Variants in ENTREP2 observed in about 807,000 individuals in gnomAD.
The protein encoded by ENTREP2 is protein ENTREP2.
the ENTREP2 span, among the ~76,000 whole-genome samples, chr15:29,128,495 T>C: frequency 6.6e-6 from 1 of 152,028 alleles, no homozygotes; most frequent in Non-Finnish European, 1.5e-5. Flanking sequence ...CTTCTTCAAA[T>C]CCATATCCCT....
the ENTREP2 span, among the ~76,000 whole-genome samples, chr15:29,522,111 T>A: frequency 2.6e-5 from 4 of 152,174 alleles, no homozygotes; most frequent in Non-Finnish European, 5.9e-5. Flanking sequence ...CCATATCTCA[T>A]ACCACATAAA....
the ENTREP2 span, among the ~76,000 whole-genome samples, chr15:29,159,427 C>G: frequency 6.6e-6 from 1 of 152,284 alleles, no homozygotes; most frequent in South Asian, 2.1e-4. Context: ...GCTTCCACAG[C>G]ATAGAAAAGG....
At chr15:29,658,670 A>G in the ENTREP2 span, among the ~76,000 whole-genome samples, 4 of 152,206 alleles carry the variant, frequency 2.6e-5, no homozygotes, top group African/African-American at 9.7e-5. Flanking sequence ...AATCTACTCA[A>G]TACAACACCC....
the ENTREP2 span, chr15:29,610,460 T>C: frequency 6.7e-6 from 1 of 150,340 alleles, no homozygotes. Flanking sequence ...TCTGGGAACT[T>C]TAAAATGCAT....
the ENTREP2 span, among the ~76,000 whole-genome samples, chr15:29,400,612 G>C: frequency 1.3e-5 from 2 of 152,112 alleles, no homozygotes; most frequent in African/African-American, 4.8e-5. Flanking sequence ...AGAAATCAAA[G>C]AGTAAAATAT....
At chr15:29,314,337 C>A in the ENTREP2 span, among the ~76,000 whole-genome samples, 1 of 152,102 alleles carries the variant, frequency 6.6e-6, no homozygotes, top group African/African-American at 2.4e-5. Flanking sequence ...AAAGGAAGAG[C>A]CAATCAATGC....
the ENTREP2 span, among the ~76,000 whole-genome samples, chr15:29,657,899 C>A: frequency 6.6e-6 from 1 of 151,968 alleles, no homozygotes; most frequent in Non-Finnish European, 1.5e-5. Context: ...TATTACTCAG[C>A]AGTAAAAAAG....
At chr15:29,218,414 C>T in the ENTREP2 span, among the ~76,000 whole-genome samples, 4 of 152,114 alleles carry the variant, frequency 2.6e-5, no homozygotes, top group Non-Finnish European at 5.9e-5. Context: ...AAATTCAATG[C>T]AATCCCCATC....
chr15:29,421,226 A>G, the ENTREP2 span, among the ~76,000 whole-genome samples: 1 of 152,182 alleles, frequency 6.6e-6, no homozygotes. Context: ...CTTCAAGAGT[A>G]AGTTAGTGAA....
chr15:29,240,421 T>C, the ENTREP2 span, among the ~76,000 whole-genome samples: 1 of 150,950 alleles, frequency 6.6e-6, no homozygotes, highest in Non-Finnish European at 1.5e-5. Context: ...TGCAACAGCG[T>C]TGGGAGGCGG....
chr15:29,155,068 G>A, the ENTREP2 span, among the ~76,000 whole-genome samples: 2 of 151,542 alleles, frequency 1.3e-5, no homozygotes, highest in African/African-American at 4.9e-5. Context: ...GGATCACAAG[G>A]TCAGGAGATC....
the ENTREP2 span, among the ~76,000 whole-genome samples, chr15:29,433,069 C>T: frequency 3.3e-5 from 5 of 152,192 alleles, no homozygotes; most frequent in African/African-American, 1.2e-4. Context: ...AAACAGGTCT[C>T]AATCACACCA....
the ENTREP2 span, among the ~76,000 whole-genome samples, chr15:29,131,803 CT>C: frequency 2.0e-5 from 3 of 149,264 alleles, no homozygotes; most frequent in Admixed American, 6.7e-5. Context: ...TCAGTGGCCC[CT>C]GAACCATACG....
chr15:29,642,500 CAT>C, the ENTREP2 span, among the ~76,000 whole-genome samples: 3 of 146,528 alleles, frequency 2.0e-5, no homozygotes, highest in South Asian at 2.1e-4. Flanking sequence ...CATATATACA[CAT>C]ATATATCATA....
At chr15:29,288,479 C>A in the ENTREP2 span, among the ~76,000 whole-genome samples, 1 of 152,174 alleles carries the variant, frequency 6.6e-6, no homozygotes, top group Non-Finnish European at 1.5e-5. Flanking sequence ...CACTCCCTTG[C>A]CTCCTTCAGG....
the ENTREP2 span, among the ~76,000 whole-genome samples, chr15:29,526,638 ATT>A: frequency 6.8e-6 from 1 of 146,348 alleles, no homozygotes; most frequent in Non-Finnish European, 1.5e-5. Flanking sequence ...CTATAAAAAA[ATT>A]TTTTTTTTTT....
the ENTREP2 span, among the ~76,000 whole-genome samples, chr15:29,366,863 C>T: frequency 2.6e-5 from 4 of 152,184 alleles, no homozygotes; most frequent in African/African-American, 9.7e-5. Context: ...TCAAATAAGA[C>T]CCTTGAACAA....
chr15:29,494,851 C>T, the ENTREP2 span, among the ~76,000 whole-genome samples: 1 of 152,148 alleles, frequency 6.6e-6, no homozygotes, highest in Non-Finnish European at 1.5e-5. Flanking sequence ...TCTTTGAAGG[C>T]TGGCTAATAC....
chr15:29,541,101 T>C, the ENTREP2 span, among the ~76,000 whole-genome samples: 419 of 152,300 alleles, frequency 2.8e-3, 1 homozygote, highest in African/African-American at 9.3e-3. Flanking sequence ...CCTCCAGGTA[T>C]TCACCGGGTC....
Sources: gnomAD v4.1 joint callset for allele counts (sites outside exome capture counted in the v4.1 genomes callset) on GRCh38, gnomAD v4.1.1 for gene constraint, MANE v1.5 for transcripts, NCBI Gene and HGNC (gene_info 2026-07-23, HGNC 2026-07-21) for gene names.